Variants in SEZ6L observed in about 807,000 individuals in gnomAD.
The protein encoded by SEZ6L is seizure 6-like protein.
A neutral mutation model predicts 106.2 loss-of-function variants in SEZ6L; 37 were observed. That is an observed-to-expected ratio of 0.35 (90% CI 0.27 to 0.46). The LOEUF (loss-of-function observed/expected upper bound fraction) is 0.46, where lower values mean the gene tolerates loss of function less well. SEZ6L is among the 20% of genes least tolerant of loss of function. The pLI, the probability that SEZ6L is intolerant of heterozygous loss-of-function variation, is 1.00. For synonymous variants in SEZ6L, 541 were observed against 570.4 expected (o/e 0.95, Z 0.73); for missense variants, 1,172 against 1,332.8 (o/e 0.88, Z 1.88).
intron 1 of SEZ6L, among the ~76,000 whole-genome samples, chr22:26,210,498 A>C (rs556148045): frequency 2.4e-4 from 37 of 152,286 alleles, no homozygotes; most frequent in Admixed American, 9.8e-4. Flanking sequence ...AGTGGAAGGC[A>C]CTCGTGTGGT....
At chr22:26,348,276 A>T (rs1379531524) in intron 11 of SEZ6L, among the ~76,000 whole-genome samples, 1 of 151,838 alleles carries the variant, frequency 6.6e-6, no homozygotes, top group Non-Finnish European at 1.5e-5. Flanking sequence ...TGGGAGGATC[A>T]CTTGAGCCCA....
chr22:26,207,601 A>G (rs1157467238), intron 1 of SEZ6L, among the ~76,000 whole-genome samples: 5 of 151,802 alleles, frequency 3.3e-5, no homozygotes, highest in African/African-American at 9.7e-5. Flanking sequence ...TTCTTCCTCT[A>G]TTCCTCCTTT....
At chr22:26,197,854 T>C (rs1940676166) in intron 1 of SEZ6L, among the ~76,000 whole-genome samples, 1 of 152,160 alleles carries the variant, frequency 6.6e-6, no homozygotes. Context: ...CCAAAGAGAA[T>C]GCCGCCATCC....
chr22:26,299,604 G>A (rs1025045073), intron 5 of SEZ6L, among the ~76,000 whole-genome samples: 14 of 152,128 alleles, frequency 9.2e-5, no homozygotes, highest in Admixed American at 2.0e-4. Context: ...TTCACTTAGC[G>A]CTTGGCACTG....
At chr22:26,233,014 C>T (rs576973219) in intron 1 of SEZ6L, among the ~76,000 whole-genome samples, 59 of 152,322 alleles carry the variant, frequency 3.9e-4, no homozygotes, top group East Asian at 2.7e-3. Flanking sequence ...TACTCAGCGG[C>T]GCTCCGCCAT....
intron 1 of SEZ6L, among the ~76,000 whole-genome samples, chr22:26,227,198 T>C (rs1270940103): frequency 6.6e-6 from 1 of 152,202 alleles, no homozygotes. Flanking sequence ...TTTGGAGTCC[T>C]GCATATTCAG....
intron 1 of SEZ6L, among the ~76,000 whole-genome samples, chr22:26,258,513 T>C (rs1043058113): frequency 6.6e-6 from 1 of 152,242 alleles, no homozygotes. Context: ...GCACATTTGA[T>C]GATAATTAAA....
intron 1 of SEZ6L, among the ~76,000 whole-genome samples, chr22:26,190,374 A>G (rs1940110300): frequency 6.6e-6 from 1 of 152,216 alleles, no homozygotes; most frequent in Non-Finnish European, 1.5e-5. Context: ...ATATACATAT[A>G]TATTTTAGCA....
rs151327153 is a variant in SEZ6L, at chr22:26,201,741, G to A, written c.94+31978G>A. Among the ~76,000 whole-genome samples the A allele has an allele frequency of 1.2e-4, 18 of 152,274 alleles. No homozygotes were observed. In the East Asian group the frequency reaches 3.3e-3, roughly 28 times the overall value. On this transcript the variant is annotated intron_variant, in intron 1 of 16. Coordinates refer to ENST00000248933, the MANE Select transcript of SEZ6L (RefSeq NM_021115.5). ...TTTTCTTATCTTTAAAATGAGAAAAGTAATATCTGCCTTCCAGGGTAGTTG... is the reference window on the plus strand; with the variant it reads ...TTTTCTTATCTTTAAAATGAGAAAAATAATATCTGCCTTCCAGGGTAGTTG...
Position 26,169,655 on chromosome 22 carries a change from C to G in SEZ6L, c.-15C>G, listed in dbSNP as rs559845187. On this transcript the variant is annotated 5_prime_UTR_variant, in exon 1 of 17. Coordinates refer to ENST00000248933, the MANE Select transcript of SEZ6L (RefSeq NM_021115.5). ...CCGCCCCACAGCCAGCGGCTCCGCG[C>G]CCCCTGCAGCCACGATGCCCGCGGC... 285 of 1,143,264 alleles carry G rather than the reference C, an allele frequency of 2.5e-4. 2 individuals are homozygous for G. Among genetic ancestry groups the G allele is most frequent in the South Asian group, 1.8e-3 (85 of 48,030 alleles). 70.8% of individuals were successfully genotyped at this position (1,143,264 alleles called of 1,614,324 possible).
intron 4 of SEZ6L, among the ~76,000 whole-genome samples, chr22:26,298,607 A>G (rs1222485205): frequency 6.6e-6 from 1 of 152,150 alleles, no homozygotes; most frequent in Non-Finnish European, 1.5e-5. Context: ...CATTTTTAAC[A>G]AGCACTCAAG....
intron 1 of SEZ6L, among the ~76,000 whole-genome samples, chr22:26,239,101 G>A (rs1379796255): frequency 1.3e-5 from 2 of 152,232 alleles, no homozygotes; most frequent in African/African-American, 4.8e-5. Context: ...TCATGTGCTT[G>A]TAGTCCCAGC....
rs1274535512 is a variant in SEZ6L, at chr22:26,251,047, G to C, written c.95-41359G>C. Among the ~76,000 whole-genome samples the C allele has an allele frequency of 2.0e-5, 3 of 152,106 alleles. No homozygotes were observed. The East Asian group carries it at 5.8e-4, about 29-fold the overall frequency. On this transcript the variant is annotated intron_variant, in intron 1 of 16. Transcript: ENST00000248933. Reference sequence around the variant, plus strand: ...GCAACTTTACTGAATTTGTTGATCAGTTCTAAGAGTTTTTTGGTGGAGTCT... The same window carrying C: ...GCAACTTTACTGAATTTGTTGATCACTTCTAAGAGTTTTTTGGTGGAGTCT...
intron 9 of SEZ6L, among the ~76,000 whole-genome samples, chr22:26,332,841 C>G (rs555677010): frequency 2.0e-5 from 3 of 152,328 alleles, no homozygotes; most frequent in Non-Finnish European, 2.9e-5. Context: ...ATGTGGCTTT[C>G]ATGGGCTGTT....
At chr22:26,319,932 A>G (rs745307397) in intron 9 of SEZ6L, among the ~76,000 whole-genome samples, 1 of 152,204 alleles carries the variant, frequency 6.6e-6, no homozygotes, top group Non-Finnish European at 1.5e-5. Context: ...TCAGCTGGCT[A>G]TGATGCACGT....
At chr22:26,294,733 CA>C (rs1331094722) in intron 3 of SEZ6L, among the ~76,000 whole-genome samples, 2 of 151,460 alleles carry the variant, frequency 1.3e-5, no homozygotes, top group East Asian at 3.9e-4. Flanking sequence ...CACACACACA[CA>C]CACACACACA....
chr22:26,229,696 T>C (rs975608229), intron 1 of SEZ6L, among the ~76,000 whole-genome samples: 5 of 152,206 alleles, frequency 3.3e-5, no homozygotes, highest in African/African-American at 1.2e-4. Context: ...TCACTCCAGA[T>C]CCACTTAGAC....
At chr22:26,326,716 G>C (rs2082315681) in intron 9 of SEZ6L, among the ~76,000 whole-genome samples, 1 of 152,288 alleles carries the variant, frequency 6.6e-6, no homozygotes, top group African/African-American at 2.4e-5. Flanking sequence ...CTTGAGAGCT[G>C]AGCAGGCAAG....
chr22:26,181,529 T>A (rs1397228343), intron 1 of SEZ6L, among the ~76,000 whole-genome samples: 1 of 152,226 alleles, frequency 6.6e-6, no homozygotes, highest in Non-Finnish European at 1.5e-5. Flanking sequence ...TCAGTTGGGG[T>A]TAAAAACAAA....
Sources: allele counts gnomAD v4.1 joint callset (sites outside exome capture counted in the v4.1 genomes callset), GRCh38; gene constraint gnomAD v4.1.1; transcripts MANE v1.5; gene names NCBI Gene and HGNC (gene_info 2026-07-23, HGNC 2026-07-21).